MAF: variants seen among roughly 807,000 people sequenced by gnomAD.
MAF encodes the protein transcription factor Maf.
A neutral mutation model predicts 22.0 loss-of-function variants in MAF; 10 were observed. The observed-to-expected ratio is 0.45, with a 90% CI of 0.28 to 0.77. The LOEUF (loss-of-function observed/expected upper bound fraction) is 0.77, where lower values mean the gene tolerates loss of function less well. Ranked by LOEUF, MAF falls within the 30% of genes least tolerant of loss-of-function variation. The pLI is 0.12. For missense variants in MAF, 544 were observed against 548.4 expected (o/e 0.99, Z 0.08); for synonymous variants, 337 against 255.8 (o/e 1.32, Z -3.03).
At chr16:79,367,969 T>C in the MAF span, among the ~76,000 whole-genome samples, 1 of 152,194 alleles carries the variant, frequency 6.6e-6, no homozygotes, top group African/African-American at 2.4e-5. Flanking sequence ...CAGACCAATC[T>C]GGGATGCTCT....
Position 79,598,777 on chromosome 16 carries a change from A to G in MAF, c.1118+8T>C. 1 of 1,613,812 alleles carries G rather than the reference A, an allele frequency of 6.2e-7. No individual in the cohort carries two copies. The highest frequency in any genetic ancestry group is 2.2e-5 in the East Asian group (1 of 44,804). ...GGGTGGCTAGCTGGAATCGCGTGTC[A>G]GACTCACATGAAAAACTCGGGAGAG... On this transcript the variant is annotated splice_region_variant and intron_variant, in intron 1 of 1. Transcript: ENST00000326043.
chr16:79,520,127 T>G, the MAF span, among the ~76,000 whole-genome samples: 1 of 152,212 alleles, frequency 6.6e-6, no homozygotes, highest in Non-Finnish European at 1.5e-5. Flanking sequence ...GCTCAACCAT[T>G]CAGCAGGCGC....
chr16:79,468,372 G>C, the MAF span, among the ~76,000 whole-genome samples: 1 of 152,238 alleles, frequency 6.6e-6, no homozygotes, highest in Non-Finnish European at 1.5e-5. Context: ...TGCTGACTCT[G>C]CTTAGATCTC....
the MAF span, among the ~76,000 whole-genome samples, chr16:79,477,764 G>A: frequency 9.9e-5 from 15 of 151,562 alleles, no homozygotes; most frequent in Admixed American, 8.5e-4. Flanking sequence ...TCGCTCTGTT[G>A]CCCAGGCTGG....
chr16:79,306,048 T>G, the MAF span, among the ~76,000 whole-genome samples: 7 of 152,324 alleles, frequency 4.6e-5, no homozygotes, highest in Middle Eastern at 6.8e-3. Context: ...TTCAATTGAC[T>G]GAGACCAAGT....
At chr16:79,341,361 C>T in the MAF span, among the ~76,000 whole-genome samples, 1 of 152,186 alleles carries the variant, frequency 6.6e-6, no homozygotes, top group African/African-American at 2.4e-5. Flanking sequence ...GTGGAACCCC[C>T]AGCTTGGTAC....
the MAF span, among the ~76,000 whole-genome samples, chr16:79,497,325 T>C: frequency 1.2e-4 from 19 of 152,306 alleles, no homozygotes; most frequent in South Asian, 3.9e-3. Context: ...GGCACCCTTT[T>C]TTACCAGGAT....
the MAF span, among the ~76,000 whole-genome samples, chr16:79,263,508 C>A: frequency 1.4e-4 from 22 of 152,222 alleles, no homozygotes; most frequent in African/African-American, 4.8e-4. Flanking sequence ...CAGGCAGTGA[C>A]GTTCTAAAAT....
the MAF span, among the ~76,000 whole-genome samples, chr16:79,309,903 T>G: frequency 6.6e-6 from 1 of 152,204 alleles, no homozygotes; most frequent in Non-Finnish European, 1.5e-5. Context: ...AGTGGCTGCT[T>G]TAACTCCAAG....
chr16:79,377,851 T>G, the MAF span, among the ~76,000 whole-genome samples: 2 of 152,208 alleles, frequency 1.3e-5, no homozygotes, highest in African/African-American at 4.8e-5. Context: ...TATGCAGCAT[T>G]ATTTCTGAGG....
At chr16:79,456,139 A>G in the MAF span, among the ~76,000 whole-genome samples, 1 of 152,174 alleles carries the variant, frequency 6.6e-6, no homozygotes, top group Non-Finnish European at 1.5e-5. Flanking sequence ...ACCATCTGCA[A>G]TGTGCTTGCC....
At chr16:79,225,112 A>G in the MAF span, among the ~76,000 whole-genome samples, 2 of 152,232 alleles carry the variant, frequency 1.3e-5, no homozygotes, top group East Asian at 3.8e-4. Flanking sequence ...ACTTCAAAGG[A>G]TACTACAAGG....
the MAF span, among the ~76,000 whole-genome samples, chr16:79,389,396 T>C: frequency 6.6e-6 from 1 of 152,092 alleles, no homozygotes; most frequent in Non-Finnish European, 1.5e-5. Context: ...GTAGCTGGGA[T>C]TACAGGCACC....
At chr16:79,594,807 TTCTCTTAC>T in intron 1 of MAF, 1 of 1,276,192 alleles carries the variant, frequency 7.8e-7, no homozygotes, top group East Asian at 3.3e-5. Context: ...GGAGTTAACC[TTCTCTTAC>T]AGCCAGCCAC....
At chr16:79,310,340 G>A in the MAF span, among the ~76,000 whole-genome samples, 70 of 152,228 alleles carry the variant, frequency 4.6e-4, no homozygotes, top group Non-Finnish European at 3.2e-4. Context: ...GGATGCCTTT[G>A]GCTATGGCTG....
chr16:79,519,083 A>G, the MAF span, among the ~76,000 whole-genome samples: 1 of 152,182 alleles, frequency 6.6e-6, no homozygotes, highest in Non-Finnish European at 1.5e-5. Flanking sequence ...TTGCAATTAT[A>G]TTTCACTTTC....
chr16:79,233,257 A>G, the MAF span, among the ~76,000 whole-genome samples: 1 of 151,992 alleles, frequency 6.6e-6, no homozygotes. Flanking sequence ...TCAACAAACA[A>G]TCACCAAGTG....
the MAF span, among the ~76,000 whole-genome samples, chr16:79,386,963 G>A: frequency 1.3e-5 from 2 of 152,154 alleles, no homozygotes; most frequent in Non-Finnish European, 2.9e-5. Context: ...TTTAGAGTTG[G>A]TTATACGTTC....
the MAF span, among the ~76,000 whole-genome samples, chr16:79,558,244 G>A: frequency 6.6e-6 from 1 of 152,100 alleles, no homozygotes; most frequent in African/African-American, 2.4e-5. Context: ...TTATACTTGA[G>A]CTATGCCATG....
Sources: allele counts gnomAD v4.1 joint callset (sites outside exome capture counted in the v4.1 genomes callset), GRCh38; gene constraint gnomAD v4.1.1; transcripts MANE v1.5; gene names NCBI Gene and HGNC (gene_info 2026-07-23, HGNC 2026-07-21).